STK3: variants seen among roughly 807,000 people sequenced by gnomAD.
The protein encoded by STK3 is serine/threonine-protein kinase 3.
Under a neutral mutation model 58.0 loss-of-function variants are expected in STK3, and 41 were observed. The observed-to-expected ratio is 0.71, with a 90% CI of 0.55 to 0.92. The LOEUF is 0.92. Ranked by LOEUF, STK3 falls within the 40% of genes least tolerant of loss-of-function variation. STK3 has a pLI of 0.00. For synonymous variants in STK3, 170 were observed against 191.0 expected (o/e 0.89, Z 0.91); for missense variants, 479 against 602.7 (o/e 0.79, Z 2.15).
intron 3 of STK3, among the ~76,000 whole-genome samples, chr8:98,877,664 G>A (rs921098609): frequency 6.6e-6 from 1 of 151,972 alleles, no homozygotes; most frequent in African/African-American, 2.4e-5. Context: ...TGTATTTTTA[G>A]TAGAGACGGG....
intron 6 of STK3, among the ~76,000 whole-genome samples, chr8:98,688,840 T>A (rs1197437099): frequency 6.6e-6 from 1 of 151,966 alleles, no homozygotes; most frequent in Admixed American, 6.6e-5. Flanking sequence ...ATTAACAATC[T>A]AACCTCACAC....
chr8:98,642,186 A>T (rs1378184608), intron 6 of STK3, among the ~76,000 whole-genome samples: 2 of 152,276 alleles, frequency 1.3e-5, no homozygotes, highest in East Asian at 3.9e-4. Context: ...ATCTCATGAC[A>T]TATGGAGTAC....
intron 10 of STK3, among the ~76,000 whole-genome samples, chr8:98,476,105 A>G (rs1586654921): frequency 6.6e-6 from 1 of 152,206 alleles, no homozygotes; most frequent in Non-Finnish European, 1.5e-5. Context: ...CTAAGTGTAG[A>G]CTGGAAGTTT....
intron 1 of STK3, among the ~76,000 whole-genome samples, chr8:98,381,640 G>C (rs947868869): frequency 6.6e-6 from 1 of 152,194 alleles, no homozygotes; most frequent in African/African-American, 2.4e-5. Flanking sequence ...TTTGTCTATT[G>C]TCCGTCACTT....
chr8:98,603,223 T>C (rs1177685255), intron 6 of STK3: 1 of 151,952 alleles, frequency 6.6e-6, no homozygotes, highest in Non-Finnish European at 1.5e-5. Flanking sequence ...TGAAAACAAT[T>C]AGTCTACAGT....
chr8:98,621,624 C>A (rs1015093591), intron 6 of STK3, among the ~76,000 whole-genome samples: 2 of 152,044 alleles, frequency 1.3e-5, no homozygotes, highest in African/African-American at 2.4e-5. Flanking sequence ...TGCTGAATTG[C>A]ATCAAATTTT....
chr8:98,400,980 G>A (rs1294696162), downstream of STK3, among the ~76,000 whole-genome samples: 2 of 152,058 alleles, frequency 1.3e-5, no homozygotes, highest in East Asian at 3.9e-4. Context: ...ATCTCTCCTT[G>A]AATCTGGGTG....
intron 6 of STK3, among the ~76,000 whole-genome samples, chr8:98,628,819 CAAAAAAAAAAAAA>C (rs10571679): frequency 1.6e-5 from 1 of 64,156 alleles, no homozygotes; most frequent in Admixed American, 2.1e-4. Context: ...CTCCACACTC[CAAAAAAAAAAAAA>C]AAAAAAAAAA....
intron 1 of STK3, among the ~76,000 whole-genome samples, chr8:98,918,253 C>T (rs1839418251): frequency 6.6e-6 from 1 of 152,258 alleles, no homozygotes; most frequent in East Asian, 1.9e-4. Context: ...ATGATGTTAT[C>T]AAGTCTCCCT....
intron 6 of STK3, among the ~76,000 whole-genome samples, chr8:98,701,685 C>A (rs745980508): frequency 6.6e-6 from 1 of 151,602 alleles, no homozygotes; most frequent in Admixed American, 6.6e-5. Context: ...CACACTCACA[C>A]ACACACACTC....
Position 98,378,459 on chromosome 8 carries a change from T to C in STK3, n.111+694A>G, listed in dbSNP as rs941323145. On this transcript the variant is annotated intron_variant and non_coding_transcript_variant, in intron 2 of 2. Coordinates refer to the STK3 transcript ENST00000518704. The stretch of plus-strand genomic sequence containing the variant: ...CAGATCTGGGCTTATACTGTAACTG[T>C]GCTGCTTACTGTCTGTGTGACTTGG... Among the ~76,000 whole-genome samples the C allele has an allele frequency of 2.6e-5, 4 of 152,234 alleles. 1 individual carries two copies. Among genetic ancestry groups the C allele is most frequent in the Admixed American group, 6.5e-5 (1 of 15,284 alleles).
At chr8:98,663,567 C>T (rs554940138) in intron 6 of STK3, among the ~76,000 whole-genome samples, 2 of 152,322 alleles carry the variant, frequency 1.3e-5, no homozygotes, top group South Asian at 2.1e-4. Context: ...AAGACACATG[C>T]ACACGTATGT....
chr8:98,370,603 G>T (rs1231396584), downstream of STK3, among the ~76,000 whole-genome samples: 9 of 152,166 alleles, frequency 5.9e-5, no homozygotes, highest in Non-Finnish European at 1.3e-4. Context: ...AAACCAAGAA[G>T]ACACAGTGGG....
At chr8:98,740,230 G>A (rs1443032983) in intron 4 of STK3, among the ~76,000 whole-genome samples, 2 of 151,988 alleles carry the variant, frequency 1.3e-5, no homozygotes, top group Non-Finnish European at 2.9e-5. Context: ...TTCAGATTCA[G>A]GAAATACAGA....
downstream of STK3, among the ~76,000 whole-genome samples, chr8:98,399,419 C>A (rs74463916): frequency 6.6e-6 from 1 of 152,342 alleles, no homozygotes; most frequent in African/African-American, 2.4e-5. Context: ...AAGACACATT[C>A]CCGGTTGACG....
intron 1 of STK3, among the ~76,000 whole-genome samples, chr8:98,442,411 T>C (rs73273972): frequency 0.014 from 2,101 of 152,362 alleles, 48 homozygotes; most frequent in African/African-American, 0.049. Context: ...ACAGTTTTCC[T>C]GAATGTTTGC....
chr8:98,352,964 G>A, the STK3 span, among the ~76,000 whole-genome samples: 1 of 152,114 alleles, frequency 6.6e-6, no homozygotes, highest in Non-Finnish European at 1.5e-5. Flanking sequence ...AAGTATTTAT[G>A]CATGAATAAG....
intron 10 of STK3, among the ~76,000 whole-genome samples, chr8:98,524,204 G>A (rs1178709414): frequency 2.0e-5 from 3 of 152,138 alleles, no homozygotes; most frequent in Non-Finnish European, 4.4e-5. Context: ...TATTCCATTG[G>A]TCTACATGTC....
At chr8:98,861,733 GTCCC>G (rs1326079780) in intron 3 of STK3, among the ~76,000 whole-genome samples, 1 of 152,158 alleles carries the variant, frequency 6.6e-6, no homozygotes, top group Non-Finnish European at 1.5e-5. Flanking sequence ...TGCAATTATA[GTCCC>G]TCCATCTTTA....
Sources: allele counts gnomAD v4.1 joint callset (sites outside exome capture counted in the v4.1 genomes callset), GRCh38; gene constraint gnomAD v4.1.1; transcripts MANE v1.5; gene names NCBI Gene and HGNC (gene_info 2026-07-23, HGNC 2026-07-21).